Variants in RBPMS observed in about 807,000 individuals in gnomAD.
RBPMS encodes the protein RNA-binding protein with multiple splicing.
In RBPMS, 7 loss-of-function variants were observed where a neutral mutation model predicts 26.8. The ratio of observed to expected loss-of-function variants is 0.26; its 90% confidence interval spans 0.15 to 0.49. RBPMS has a LOEUF of 0.49. Ranked by LOEUF, RBPMS falls within the 20% of genes least tolerant of loss-of-function variation. The probability of loss-of-function intolerance (pLI) is 0.98; values close to 1 mark genes in which losing one functional copy is unlikely to be tolerated. For synonymous variants in RBPMS, 96 were observed against 93.3 expected (o/e 1.03, Z -0.17); for missense variants, 186 against 250.0 (o/e 0.74, Z 1.73).
intron 5 of RBPMS, among the ~76,000 whole-genome samples, chr8:30,515,590 A>T (rs1230999657): frequency 2.6e-5 from 4 of 152,172 alleles, no homozygotes. Flanking sequence ...GTAGATCTAA[A>T]GTTTTATCTT....
intron 8 of RBPMS, among the ~76,000 whole-genome samples, chr8:30,569,495 G>A (rs1828121784): frequency 6.6e-6 from 1 of 152,188 alleles, no homozygotes; most frequent in South Asian, 2.1e-4. Flanking sequence ...CAGAAGAGAG[G>A]AAGTAAGAAC....
At chr8:30,547,644 C>G (rs1825978934) in intron 6 of RBPMS, 1 of 529,752 alleles carries the variant, frequency 1.9e-6, no homozygotes, top group South Asian at 3.3e-5. Flanking sequence ...TAGAAGGACT[C>G]AGAACGAGCT....
At chr8:30,500,440 C>CATT (rs1820444280) in intron 4 of RBPMS, among the ~76,000 whole-genome samples, 1 of 149,928 alleles carries the variant, frequency 6.7e-6, no homozygotes, top group African/African-American at 2.5e-5. Context: ...CTAAATGAGT[C>CATT]ATTCCATTGT....
chr8:30,431,324 T>C (rs983277926), intron 1 of RBPMS, among the ~76,000 whole-genome samples: 1 of 151,206 alleles, frequency 6.6e-6, no homozygotes, highest in Non-Finnish European at 1.5e-5. Flanking sequence ...CATTTCTTTC[T>C]TTCTCCTTTC....
chr8:30,520,901 G>A (rs926843209), intron 5 of RBPMS, among the ~76,000 whole-genome samples: 4 of 151,852 alleles, frequency 2.6e-5, no homozygotes, highest in East Asian at 1.9e-4. Context: ...GTGGCTATAC[G>A]TTGTTATTTT....
intron 5 of RBPMS, among the ~76,000 whole-genome samples, chr8:30,511,489 ATATATAT>A (rs1821665892): frequency 5.3e-3 from 40 of 7,558 alleles, no homozygotes; most frequent in East Asian, 0.017. Flanking sequence ...AAAAAAAAAT[ATATATAT>A]ATATATATAT....
At chr8:30,563,851 C>T (rs924010255) in intron 7 of RBPMS, among the ~76,000 whole-genome samples, 3 of 152,146 alleles carry the variant, frequency 2.0e-5, no homozygotes, top group Non-Finnish European at 4.4e-5. Context: ...AAGAAAGCCA[C>T]CTGTCCATGT....
At chr8:30,492,395 G>A (rs542794779) in intron 4 of RBPMS, among the ~76,000 whole-genome samples, 1 of 152,156 alleles carries the variant, frequency 6.6e-6, no homozygotes, top group African/African-American at 2.4e-5. Flanking sequence ...GTGTAATTAT[G>A]TATAATTAGT....
intron 1 of RBPMS, among the ~76,000 whole-genome samples, chr8:30,470,178 G>A (rs920206193): frequency 2.0e-5 from 3 of 152,168 alleles, no homozygotes; most frequent in Admixed American, 6.5e-5. Context: ...GAGTTCAGGA[G>A]TTCAAGACCA....
intron 4 of RBPMS, among the ~76,000 whole-genome samples, chr8:30,492,048 C>T (rs373130914): frequency 6.2e-4 from 94 of 152,248 alleles, no homozygotes; most frequent in African/African-American, 2.1e-3. Context: ...TGCAGCACCA[C>T]GTCTGGCTAA....
intron 5 of RBPMS, among the ~76,000 whole-genome samples, chr8:30,529,441 G>A (rs1771465847): frequency 6.6e-6 from 1 of 151,954 alleles, no homozygotes; most frequent in African/African-American, 2.4e-5. Flanking sequence ...GGCGGAGGTT[G>A]CAGTGAGCTG....
intron 4 of RBPMS, among the ~76,000 whole-genome samples, chr8:30,492,094 G>A (rs139089666): frequency 1.3e-5 from 2 of 152,232 alleles, no homozygotes; most frequent in East Asian, 3.9e-4. Flanking sequence ...GTTTCACCAT[G>A]GTTGTCAGGC....
At chr8:30,390,008 TAAATG>T (rs1300932502) in intron 1 of RBPMS, among the ~76,000 whole-genome samples, 8 of 152,290 alleles carry the variant, frequency 5.3e-5, no homozygotes, top group Admixed American at 4.6e-4. Flanking sequence ...GTTGTAATAT[TAAATG>T]AAAAGAACTG....
At chr8:30,537,763 T>C in intron 5 of RBPMS, 1 of 408,292 alleles carries the variant, frequency 2.4e-6, no homozygotes, top group South Asian at 1.8e-5. Context: ...TGAGGATGAT[T>C]GGTGCACAGA....
rs1705329303 is a variant in RBPMS, at chr8:30,523,587, T to G, written c.397+19151T>G. Among the ~76,000 whole-genome samples, 6 of 150,390 alleles carry G rather than the reference T, an allele frequency of 4.0e-5. No individual in the cohort carries two copies. The Admixed American group carries it at 4.0e-4, about 10-fold the overall frequency. On this transcript the variant is annotated intron_variant, in intron 5 of 8. Coordinates refer to ENST00000397323, the MANE Select transcript of RBPMS (RefSeq NM_001008710.3). The stretch of plus-strand genomic sequence containing the variant: ...TCTAGAAATCTAGTGTGCCAGGGCT[T>G]TAGGGTGAGCACATGACAGGGGAAG...
At chr8:30,458,595 G>A (rs1815518470) in intron 1 of RBPMS, among the ~76,000 whole-genome samples, 1 of 152,118 alleles carries the variant, frequency 6.6e-6, no homozygotes, top group Non-Finnish European at 1.5e-5. Flanking sequence ...AAAACAAATA[G>A]ATTTAGTCAT....
At chr8:30,558,837 G>T in intron 6 of RBPMS, 50 bp from the exon 7 acceptor site, 1 of 1,485,794 alleles carries the variant, frequency 6.7e-7, no homozygotes, top group South Asian at 1.1e-5. Flanking sequence ...CGTGAGAATG[G>T]GGATATGCTG....
intron 4 of RBPMS, among the ~76,000 whole-genome samples, chr8:30,503,774 C>T (rs1377257305): frequency 1.3e-5 from 2 of 152,136 alleles, no homozygotes; most frequent in African/African-American, 2.4e-5. Context: ...AATACACTCT[C>T]TTGGGATATC....
chr8:30,480,155 G>C (rs990009249), intron 4 of RBPMS, among the ~76,000 whole-genome samples: 2 of 152,232 alleles, frequency 1.3e-5, no homozygotes, highest in Non-Finnish European at 2.9e-5. Context: ...GCTCTAGGCA[G>C]TTGGCCTAAG....
Sources: allele counts gnomAD v4.1 joint callset (sites outside exome capture counted in the v4.1 genomes callset), GRCh38; gene constraint gnomAD v4.1.1; transcripts MANE v1.5; gene names NCBI Gene and HGNC (gene_info 2026-07-23, HGNC 2026-07-21).